The following IQCM variants were observed in gnomAD, a reference collection of about 807,000 sequenced individuals.
The protein encoded by IQCM is IQ domain-containing protein M.
In IQCM, 45 loss-of-function variants were observed where a neutral mutation model predicts 57.6. The ratio of observed to expected loss-of-function variants is 0.78; its 90% CI spans 0.62 to 1.00. The LOEUF is 1.00. Among genes scored for constraint, IQCM ranks in the 50% least tolerant of loss-of-function variants. The probability of loss-of-function intolerance (pLI) is 0.00; values close to 1 mark genes in which losing one functional copy is unlikely to be tolerated. For missense variants in IQCM, 468 were observed against 511.6 expected (o/e 0.91, Z 0.82); for synonymous variants, 148 against 158.9 (o/e 0.93, Z 0.51).
At chr4:149,650,138 A>G (rs1471583324) in intron 7 of IQCM, among the ~76,000 whole-genome samples, 1 of 152,154 alleles carries the variant, frequency 6.6e-6, no homozygotes, top group Non-Finnish European at 1.5e-5. Context: ...CATTTCAAAT[A>G]GGGTCATTGC....
chr4:149,453,932 G>A (rs935200165), intron 12 of IQCM, among the ~76,000 whole-genome samples: 3 of 151,542 alleles, frequency 2.0e-5, no homozygotes, highest in African/African-American at 7.3e-5. Flanking sequence ...TTGCCGTATT[G>A]TCAAAAACAG....
At chr4:149,612,140 C>T (rs1755352315) in intron 8 of IQCM, among the ~76,000 whole-genome samples, 1 of 151,706 alleles carries the variant, frequency 6.6e-6, no homozygotes, top group South Asian at 2.1e-4. Flanking sequence ...CACCTTCAAG[C>T]AATCAGATCT....
chr4:149,667,572 G>A (rs1489510684), intron 7 of IQCM, among the ~76,000 whole-genome samples: 3 of 152,034 alleles, frequency 2.0e-5, no homozygotes, highest in Non-Finnish European at 4.4e-5. Flanking sequence ...ACTGGACAGA[G>A]AATGAATTTA....
chr4:149,588,454 T>C (rs1001171551), intron 8 of IQCM, among the ~76,000 whole-genome samples: 9 of 151,864 alleles, frequency 5.9e-5, no homozygotes, highest in African/African-American at 1.9e-4. Flanking sequence ...AACCTAACTA[T>C]TGAGGTGTTA....
chr4:149,774,583 C>T (rs1770897672), intron 2 of IQCM, among the ~76,000 whole-genome samples: 1 of 152,074 alleles, frequency 6.6e-6, no homozygotes, highest in Non-Finnish European at 1.5e-5. Context: ...AACCAATCCC[C>T]TGAGCCCTAT....
intron 2 of IQCM, among the ~76,000 whole-genome samples, chr4:149,751,366 T>C (rs1015927607): frequency 1.3e-5 from 2 of 152,184 alleles, no homozygotes; most frequent in African/African-American, 4.8e-5. Context: ...TATGACGTCA[T>C]GGTGAAGAGC....
At chr4:149,769,302 A>G (rs1437108665) in intron 2 of IQCM, among the ~76,000 whole-genome samples, 1 of 152,036 alleles carries the variant, frequency 6.6e-6, no homozygotes, top group African/African-American at 2.4e-5. Flanking sequence ...TGCTGGACAT[A>G]TCCGCCCCCA....
intron 13 of IQCM, among the ~76,000 whole-genome samples, chr4:149,415,405 A>C (rs1733675736): frequency 6.6e-6 from 1 of 152,160 alleles, no homozygotes; most frequent in African/African-American, 2.4e-5. Flanking sequence ...GTATCTATGT[A>C]TTGCTTGCCT....
intron 13 of IQCM, among the ~76,000 whole-genome samples, chr4:149,420,346 C>T (rs1221190763): frequency 6.6e-6 from 1 of 151,806 alleles, no homozygotes; most frequent in Non-Finnish European, 1.5e-5. Context: ...TTTGCAAGAA[C>T]ACGGATTATC....
At chr4:149,370,550 ACTATACACACT>A in intron 13 of IQCM, among the ~76,000 whole-genome samples, 1 of 149,556 alleles carries the variant, frequency 6.7e-6, no homozygotes, top group East Asian at 2.0e-4. Flanking sequence ...CTATACACAC[ACTATACACACT>A]CTATACACAC....
intron 2 of IQCM, among the ~76,000 whole-genome samples, chr4:149,747,352 T>G (rs1305597878): frequency 6.6e-6 from 1 of 152,230 alleles, no homozygotes; most frequent in Non-Finnish European, 1.5e-5. Context: ...AAGTCCCTTA[T>G]GTAAAATGCC....
intron 12 of IQCM, among the ~76,000 whole-genome samples, chr4:149,486,862 GA>G (rs1439944085): frequency 6.6e-6 from 1 of 152,120 alleles, no homozygotes; most frequent in African/African-American, 2.4e-5. Flanking sequence ...GGAAGATTCA[GA>G]AATGCTGTCC....
At chr4:149,518,633 G>T (rs1360514992) in intron 12 of IQCM, among the ~76,000 whole-genome samples, 1 of 152,154 alleles carries the variant, frequency 6.6e-6, no homozygotes, top group East Asian at 1.9e-4. Context: ...GTGAAAGAAG[G>T]TTTTTAAAAA....
chr4:149,731,062 T>C (rs566362158), intron 5 of IQCM, among the ~76,000 whole-genome samples: 2 of 152,270 alleles, frequency 1.3e-5, no homozygotes, highest in East Asian at 3.9e-4. Context: ...TAAAACTGAA[T>C]TCGTTATTTT....
At chr4:149,476,833 C>T (rs910652578) in intron 12 of IQCM, among the ~76,000 whole-genome samples, 1 of 152,156 alleles carries the variant, frequency 6.6e-6, no homozygotes, top group East Asian at 1.9e-4. Flanking sequence ...AAAACCTTCT[C>T]CATCTCAGAT....
At chr4:149,722,904 A>G (rs902492860) in intron 5 of IQCM, among the ~76,000 whole-genome samples, 3 of 152,048 alleles carry the variant, frequency 2.0e-5, no homozygotes, top group Non-Finnish European at 2.9e-5. Context: ...TTTCCATGAC[A>G]TTGTTTCTTT....
chr4:149,487,551 G>A (rs896488892), intron 12 of IQCM, among the ~76,000 whole-genome samples: 1 of 151,962 alleles, frequency 6.6e-6, no homozygotes, highest in Non-Finnish European at 1.5e-5. Flanking sequence ...GTTTACCTAG[G>A]ACCCCAGGGC....
chr4:149,617,681 T>C (rs978697433), intron 8 of IQCM, among the ~76,000 whole-genome samples: 3 of 152,012 alleles, frequency 2.0e-5, no homozygotes, highest in African/African-American at 7.2e-5. Context: ...AAAATCAATG[T>C]ACAAAAATTA....
At chr4:149,409,061 G>A (rs546996405) in intron 13 of IQCM, among the ~76,000 whole-genome samples, 1 of 152,306 alleles carries the variant, frequency 6.6e-6, no homozygotes, top group East Asian at 1.9e-4. Context: ...CTTGAAGATG[G>A]TGGAAATACT....
Sources: allele counts gnomAD v4.1 joint callset (sites outside exome capture counted in the v4.1 genomes callset), GRCh38; gene constraint gnomAD v4.1.1; transcripts MANE v1.5; gene names NCBI Gene and HGNC (gene_info 2026-07-23, HGNC 2026-07-21).